Variants in NPLOC4 observed in about 807,000 individuals in gnomAD.
The protein encoded by NPLOC4 is nuclear protein localization protein 4 homolog.
A neutral mutation model predicts 80.6 loss-of-function variants in NPLOC4; 18 were observed. The ratio of observed to expected loss-of-function variants is 0.22; its 90% CI spans 0.15 to 0.33. NPLOC4 has a LOEUF of 0.33. NPLOC4 is among the 10% of genes least tolerant of loss of function. The pLI is 1.00. For missense variants in NPLOC4, 540 were observed against 786.1 expected (o/e 0.69, Z 3.74); for synonymous variants, 313 against 301.5 (o/e 1.04, Z -0.39).
chr17:81,624,519 G>A (rs7406360), intron 2 of NPLOC4, among the ~76,000 whole-genome samples: 93,498 of 151,896 alleles, frequency 0.62, 30,817 homozygotes, highest in East Asian at 0.99. Flanking sequence ...GAATCACTTC[G>A]ACCTGGGAGG....
intron 3 of NPLOC4, among the ~76,000 whole-genome samples, chr17:81,619,523 C>G (rs1248322629): frequency 7.0e-6 from 1 of 143,522 alleles, no homozygotes; most frequent in Non-Finnish European, 1.5e-5. Flanking sequence ...GCACTCTAGC[C>G]TGGGCAACAA....
intron 2 of NPLOC4, among the ~76,000 whole-genome samples, chr17:81,625,050 C>T (rs1210755818): frequency 1.3e-5 from 2 of 152,088 alleles, no homozygotes; most frequent in Admixed American, 1.3e-4. Flanking sequence ...GAGAGATGGG[C>T]TGAGACAGGG....
chr17:81,565,463 C>T, intron 16 of NPLOC4, 42 bp downstream of exon 16: 1 of 1,486,196 alleles, frequency 6.7e-7, no homozygotes, highest in Non-Finnish European at 9.1e-7. Context: ...TGCTCTCCGG[C>T]CCCAGCCACG....
chr17:81,588,629 T>C lies in NPLOC4; in HGVS notation c.1281+315A>G, dbSNP rs561135452. Among the ~76,000 whole-genome samples, 382 of 152,366 alleles carry C rather than the reference T, an allele frequency of 2.5e-3. 1 individual carries two copies. The highest frequency in any genetic ancestry group is 6.1e-3 in the Admixed American group (93 of 15,302). ...TCCCAAAATGCTGGGATTACAGGCA[T>C]GAGCCACCATGCCAAGGACCCATCT... On this transcript the variant is annotated intron_variant, in intron 12 of 16. Transcript: ENST00000331134.
rs763149318 is a variant in NPLOC4 at position 81,580,240 on chromosome 17, C to T, written c.1282-8152G>A. ...GCAATGCGCTCACCCCGGGTGGTGC[C>T]TCTGCACTAGCACATCGCCGACAGA... On this transcript the variant is annotated intron_variant, in intron 12 of 16. Coordinates refer to ENST00000331134, the MANE Select transcript of NPLOC4 (RefSeq NM_017921.4). The surrounding 1 kb of genome is among the most constrained non-coding windows in gnomAD (Gnocchi z 4.4). 1.3e-5 allele frequency among the ~76,000 whole-genome samples: 2 copies of T among 152,206 alleles called. No homozygotes were observed. The highest frequency in any genetic ancestry group is 2.9e-5 in the Non-Finnish European group (2 of 68,022).
intron 1 of NPLOC4, 135 bp downstream of exon 1, chr17:81,636,781 C>A: frequency 1.0e-6 from 1 of 994,202 alleles, no homozygotes; most frequent in Non-Finnish European, 1.3e-6. Context: ...CCAGCCACTA[C>A]AGAGAAAGCC....
At chr17:81,561,408 T>G (rs2033845172) in intron 16 of NPLOC4, among the ~76,000 whole-genome samples, 1 of 152,206 alleles carries the variant, frequency 6.6e-6, no homozygotes, top group African/African-American at 2.4e-5. Context: ...TTGGTGCCTT[T>G]TCATGTTTCT....
intron 2 of NPLOC4, among the ~76,000 whole-genome samples, chr17:81,623,282 C>T (rs765447643): frequency 3.4e-5 from 5 of 145,522 alleles, no homozygotes; most frequent in Non-Finnish European, 6.0e-5. Context: ...CCAGCCTGGT[C>T]AACATAGTGA....
intron 13 of NPLOC4, among the ~76,000 whole-genome samples, chr17:81,570,381 G>C (rs2034129425): frequency 6.6e-6 from 1 of 152,224 alleles, no homozygotes; most frequent in South Asian, 2.1e-4. Flanking sequence ...AGACAGGGGA[G>C]GTGCTGACCT....
chr17:81,621,966 CAAAT>C (rs1326864015), intron 3 of NPLOC4, among the ~76,000 whole-genome samples, 196 bp downstream of exon 3: 1 of 152,206 alleles, frequency 6.6e-6, no homozygotes, highest in Non-Finnish European at 1.5e-5. Context: ...CAAAGTCAAT[CAAAT>C]CTGCTCAATG....
At chr17:81,598,024 G>A (rs749014914) in intron 9 of NPLOC4, among the ~76,000 whole-genome samples, 4 of 150,538 alleles carry the variant, frequency 2.7e-5, no homozygotes, top group Admixed American at 6.7e-5. Context: ...GAACCCGGGA[G>A]GTGAAGCTTG....
At chr17:81,618,134 C>T (rs1458172296) in intron 3 of NPLOC4, among the ~76,000 whole-genome samples, 15 of 144,430 alleles carry the variant, frequency 1.0e-4, no homozygotes, top group African/African-American at 2.9e-4. Context: ...TGGGATGTGA[C>T]GAGCCCCTCT....
rs1027851201 is a variant in NPLOC4 at position 81,580,650 on chromosome 17, C to T, written c.1281+8294G>A. ...ACACCTTCTCTCCCCTCTCAGGACT[C>T]GACCCACCAGGGCACTCCAAGCTTC... On this transcript the variant is annotated intron_variant, in intron 12 of 16. Coordinates refer to ENST00000331134, the MANE Select transcript of NPLOC4 (RefSeq NM_017921.4). The surrounding 1 kb of genome is among the most constrained non-coding windows in gnomAD (Gnocchi z 4.4). 1.3e-5 allele frequency among the ~76,000 whole-genome samples: 2 copies of T among 152,158 alleles called. No individual in the cohort carries two copies. Among genetic ancestry groups the T allele is most frequent in the Non-Finnish European group, 2.9e-5 (2 of 68,026 alleles).
At position 81,560,126 on chromosome 17, in the gene NPLOC4, CAA is replaced by C. The variant is rs1458337193; in HGVS notation, c.1670-712_1670-711del. Among the ~76,000 whole-genome samples, 3 of 151,914 alleles carry C rather than the reference CAA, an allele frequency of 2.0e-5. No homozygotes were observed. In the East Asian group the frequency reaches 5.8e-4, roughly 30 times the overall value. ...TGTTTTTATTTCTCTTGGATAAAAA[CAA>C]AGAGTGAGGCTGGGTGCAGTGGGTC... On this transcript the variant is annotated intron_variant, in intron 16 of 16. Transcript: ENST00000331134.
At chr17:81,598,658 T>C (rs113528673) in intron 9 of NPLOC4, among the ~76,000 whole-genome samples, 2 of 152,294 alleles carry the variant, frequency 1.3e-5, no homozygotes, top group African/African-American at 4.8e-5. Context: ...GCCTGTGTGC[T>C]GTGTGATCCT....
chr17:81,606,592 C>G (rs966906280), intron 7 of NPLOC4, 99 bp downstream of exon 7: 1 of 1,263,854 alleles, frequency 7.9e-7, no homozygotes, highest in Non-Finnish European at 1.1e-6. Context: ...GAAAATCCAC[C>G]ACGCATAGTG....
chr17:81,618,024 C>T (rs1391799317), intron 3 of NPLOC4, among the ~76,000 whole-genome samples: 1 of 152,216 alleles, frequency 6.6e-6, no homozygotes, highest in African/African-American at 2.4e-5. Context: ...TACCTCCCAG[C>T]CGCCTGCCTT....
intron 3 of NPLOC4, among the ~76,000 whole-genome samples, chr17:81,618,887 G>A (rs1445016312): frequency 6.6e-6 from 1 of 151,926 alleles, no homozygotes; most frequent in East Asian, 1.9e-4. Context: ...TTGGGATCCT[G>A]TTGATCTATG....
chr17:81,636,077 A>G (rs942031872), intron 1 of NPLOC4, among the ~76,000 whole-genome samples: 4 of 152,058 alleles, frequency 2.6e-5, no homozygotes, highest in African/African-American at 9.7e-5. Context: ...CGTTCAAGCA[A>G]TTCTCCTGCC....
Sources: allele counts gnomAD v4.1 joint callset (sites outside exome capture counted in the v4.1 genomes callset), GRCh38; gene constraint gnomAD v4.1.1; non-coding constraint Gnocchi (gnomAD v3.1); transcripts MANE v1.5; gene names NCBI Gene and HGNC (gene_info 2026-07-23, HGNC 2026-07-21).